Variants in ARK2C observed in about 807,000 individuals in gnomAD.
The protein encoded by ARK2C is arkadia (RNF111) C-terminal like ring finger ubiquitin ligase 2C.
At chr18:46,358,814 C>G in the ARK2C span, among the ~76,000 whole-genome samples, 1 of 152,212 alleles carries the variant, frequency 6.6e-6, no homozygotes, top group East Asian at 1.9e-4. Context: ...ACGCCTTGGT[C>G]ATCACTGTGT....
chr18:46,419,048 A>G, the ARK2C span, among the ~76,000 whole-genome samples: 2 of 152,212 alleles, frequency 1.3e-5, no homozygotes, highest in African/African-American at 4.8e-5. Flanking sequence ...TCTAGTGGGA[A>G]CGCTATTACT....
At chr18:46,376,664 C>CTTTTTTTTTT in the ARK2C span, among the ~76,000 whole-genome samples, 14 of 72,262 alleles carry the variant, frequency 1.9e-4, 1 homozygote, top group Non-Finnish European at 2.6e-4. Flanking sequence ...GGTTAATAAT[C>CTTTTTTTTTT]TTTTTTTTTT....
chr18:46,369,379 GC>G, the ARK2C span, among the ~76,000 whole-genome samples: 1 of 150,658 alleles, frequency 6.6e-6, no homozygotes, highest in Non-Finnish European at 1.5e-5. Flanking sequence ...GTGTGTGTGT[GC>G]TGGGGTGGCA....
the ARK2C span, chr18:46,462,489 T>A: frequency 6.6e-6 from 1 of 152,480 alleles, no homozygotes; most frequent in East Asian, 1.9e-4. Flanking sequence ...AGAACTGGGC[T>A]GTGTATGGTC....
chr18:46,414,607 A>C, the ARK2C span, among the ~76,000 whole-genome samples: 1 of 152,196 alleles, frequency 6.6e-6, no homozygotes, highest in Non-Finnish European at 1.5e-5. Context: ...TACCTACACC[A>C]TGCACACACA....
the ARK2C span, among the ~76,000 whole-genome samples, chr18:46,340,627 G>GT: frequency 6.6e-6 from 1 of 152,242 alleles, no homozygotes; most frequent in Non-Finnish European, 1.5e-5. Flanking sequence ...GCAGTCCAGG[G>GT]TTTGAGTCCT....
At chr18:46,348,389 G>C in the ARK2C span, among the ~76,000 whole-genome samples, 1 of 152,220 alleles carries the variant, frequency 6.6e-6, no homozygotes, top group African/African-American at 2.4e-5. Context: ...AGCGTTGCTG[G>C]TGGTTGATTG....
chr18:46,391,469 A>G, the ARK2C span, among the ~76,000 whole-genome samples: 1 of 151,926 alleles, frequency 6.6e-6, no homozygotes, highest in Non-Finnish European at 1.5e-5. Context: ...CCGCTATTCC[A>G]CCCTCAGTGT....
chr18:46,397,866 G>A, the ARK2C span, among the ~76,000 whole-genome samples: 3 of 136,052 alleles, frequency 2.2e-5, no homozygotes, highest in African/African-American at 2.8e-5. Context: ...CATGTGGTGC[G>A]TATGTGTGTG....
the ARK2C span, among the ~76,000 whole-genome samples, chr18:46,417,900 A>G: frequency 6.6e-6 from 1 of 152,004 alleles, no homozygotes; most frequent in Non-Finnish European, 1.5e-5. Flanking sequence ...GCTACTCGGG[A>G]GGCTGAGGTG....
chr18:46,373,872 G>A, the ARK2C span, among the ~76,000 whole-genome samples: 7 of 141,338 alleles, frequency 5.0e-5, no homozygotes, highest in South Asian at 5.0e-4. Flanking sequence ...TCCCACCCCC[G>A]GTCCCAGACC....
At chr18:46,365,505 T>G in the ARK2C span, among the ~76,000 whole-genome samples, 5 of 152,156 alleles carry the variant, frequency 3.3e-5, 1 homozygote, top group East Asian at 9.6e-4. Context: ...TGAATTTTTT[T>G]TTGTTGTTTT....
chr18:46,432,487 G>A, the ARK2C span, among the ~76,000 whole-genome samples: 3 of 152,158 alleles, frequency 2.0e-5, no homozygotes, highest in Non-Finnish European at 2.9e-5. Flanking sequence ...CCAGGCTTCA[G>A]TGAAATTCTG....
chr18:46,392,687 G>A, the ARK2C span, among the ~76,000 whole-genome samples: 5 of 152,172 alleles, frequency 3.3e-5, no homozygotes, highest in African/African-American at 1.2e-4. Context: ...AGGGTGACAC[G>A]GTCCTGTGCC....
the ARK2C span, among the ~76,000 whole-genome samples, chr18:46,356,618 A>AG: frequency 1.3e-5 from 2 of 152,156 alleles, no homozygotes; most frequent in African/African-American, 4.8e-5. Flanking sequence ...AACACACAGA[A>AG]GGGAGTATTC....
chr18:46,355,900 G>A, the ARK2C span, among the ~76,000 whole-genome samples: 12 of 152,196 alleles, frequency 7.9e-5, no homozygotes, highest in South Asian at 4.1e-4. Context: ...GGATGATGAC[G>A]ACAATGGTGA....
chr18:46,404,148 G>T, the ARK2C span, among the ~76,000 whole-genome samples: 1 of 151,962 alleles, frequency 6.6e-6, no homozygotes, highest in South Asian at 2.1e-4. Context: ...TATGATTTAC[G>T]GTCTAAAACC....
chr18:46,367,185 C>G, the ARK2C span, among the ~76,000 whole-genome samples: 1 of 152,138 alleles, frequency 6.6e-6, no homozygotes, highest in Non-Finnish European at 1.5e-5. Context: ...TTCCAAGAGC[C>G]TTATGCAATA....
At chr18:46,430,214 A>G in the ARK2C span, among the ~76,000 whole-genome samples, 96 of 152,284 alleles carry the variant, frequency 6.3e-4, no homozygotes, top group African/African-American at 2.1e-3. Context: ...TACTTGATTA[A>G]TGGTTTGGCT....
Sources: allele counts gnomAD v4.1 joint callset (sites outside exome capture counted in the v4.1 genomes callset), GRCh38; gene constraint gnomAD v4.1.1; transcripts MANE v1.5; gene names NCBI Gene and HGNC (gene_info 2026-07-23, HGNC 2026-07-21).